ATXN1: variants seen among roughly 807,000 people sequenced by gnomAD.
The protein encoded by ATXN1 is ataxin 1, also known as ataxin-1.
In ATXN1, 8 loss-of-function variants were observed where a neutral mutation model predicts 56.4. The ratio of observed to expected loss-of-function variants is 0.14; its 90% CI spans 0.08 to 0.26. ATXN1 has a LOEUF of 0.26. ATXN1 is among the 10% of genes least tolerant of loss of function. The pLI is 1.00. For synonymous variants in ATXN1, 514 were observed against 494.6 expected, an observed-to-expected ratio of 1.04 and a Z score of -0.52; for missense variants, 987 against 1,106.5, an observed-to-expected ratio of 0.89 and a Z score of 1.53.
rs1273751343 is a variant in ATXN1 at position 16,300,970 on chromosome 6, A to G, written c.*5359T>C. ...CAAAAATAACAATAAGCATAGGTAT[A>G]GTTTAAGAGCCTTTTACGTAGTAAT... is the stretch of plus-strand genomic sequence containing the variant. On this transcript the variant is annotated 3_prime_UTR_variant, in exon 8 of 8. Coordinates refer to ENST00000436367, the MANE Select transcript of ATXN1 (RefSeq NM_001128164.2). 1 of 152,678 alleles carries G rather than the reference A, an allele frequency of 6.5e-6. No individual in the cohort carries two copies. Among genetic ancestry groups the G allele is most frequent in the Non-Finnish European group, 1.5e-5 (1 of 68,042 alleles). The allele number at this position is 152,678 out of a possible 1,614,324, so 9.5% of individuals were successfully genotyped here. A position where few individuals can be genotyped will look rare whatever the true frequency, so the allele number is the denominator to read the frequency against.
chr6:16,344,538 G>T (rs113145342), intron 6 of ATXN1, among the ~76,000 whole-genome samples: 1 of 152,280 alleles, frequency 6.6e-6, no homozygotes, highest in East Asian at 1.9e-4. Context: ...TCTTTTTCTC[G>T]TGCTGGATGC....
At chr6:16,539,141 G>A (rs1423926085) in intron 4 of ATXN1, among the ~76,000 whole-genome samples, 2 of 152,210 alleles carry the variant, frequency 1.3e-5, no homozygotes, top group Non-Finnish European at 2.9e-5. Flanking sequence ...GTAGGTTTTA[G>A]AAACTCTTAA....
At chr6:16,616,572 A>ATATAATATATTT (rs1197144257) in intron 3 of ATXN1, among the ~76,000 whole-genome samples, 1 of 145,422 alleles carries the variant, frequency 6.9e-6, no homozygotes, top group Non-Finnish European at 1.5e-5. Flanking sequence ...TATATATAGT[A>ATATAATATATTT]TATAATATAT....
intron 6 of ATXN1, among the ~76,000 whole-genome samples, chr6:16,447,586 G>A (rs1759661453): frequency 6.6e-6 from 1 of 152,086 alleles, no homozygotes; most frequent in Non-Finnish European, 1.5e-5. Flanking sequence ...TGAACTTCTG[G>A]CGTCAAGTGA....
intron 4 of ATXN1, among the ~76,000 whole-genome samples, chr6:16,575,187 T>C (rs998535736): frequency 6.6e-6 from 1 of 152,120 alleles, no homozygotes; most frequent in African/African-American, 2.4e-5. Flanking sequence ...TACTAAATGT[T>C]TGGGGTAGGG....
chr6:16,698,919 C>T (rs12333133), intron 2 of ATXN1, among the ~76,000 whole-genome samples: 1 of 152,168 alleles, frequency 6.6e-6, no homozygotes, highest in African/African-American at 2.4e-5. Context: ...TTTAATAATA[C>T]CTGCTTTTTC....
At chr6:16,607,826 A>G (rs1394980798) in intron 3 of ATXN1, among the ~76,000 whole-genome samples, 2 of 152,206 alleles carry the variant, frequency 1.3e-5, no homozygotes, top group Non-Finnish European at 2.9e-5. Context: ...GCAGGTCACA[A>G]CATATCTTTT....
At chr6:16,582,025 G>A (rs921024795) in intron 4 of ATXN1, among the ~76,000 whole-genome samples, 2 of 152,196 alleles carry the variant, frequency 1.3e-5, no homozygotes, top group African/African-American at 2.4e-5. Flanking sequence ...CCTAGCAACT[G>A]TGCATTCGAG....
chr6:16,497,023 G>A (rs553596309), intron 5 of ATXN1, among the ~76,000 whole-genome samples: 3 of 152,068 alleles, frequency 2.0e-5, no homozygotes, highest in East Asian at 1.9e-4. Flanking sequence ...TTGTTTTGTC[G>A]AATAAGCTCT....
At chr6:16,375,199 C>G (rs1055463089) in intron 6 of ATXN1, among the ~76,000 whole-genome samples, 23 of 152,344 alleles carry the variant, frequency 1.5e-4, no homozygotes, top group African/African-American at 5.3e-4. Context: ...AAAGGAGTCA[C>G]AAAAGCTCTG....
intron 6 of ATXN1, among the ~76,000 whole-genome samples, chr6:16,420,860 GTATTT>G (rs1334796686): frequency 1.3e-5 from 2 of 152,128 alleles, no homozygotes; most frequent in African/African-American, 4.8e-5. Context: ...TCTCTCGTGT[GTATTT>G]TAATTAAAGA....
chr6:16,550,535 A>G (rs974192121), intron 4 of ATXN1, among the ~76,000 whole-genome samples: 2 of 152,252 alleles, frequency 1.3e-5, no homozygotes, highest in African/African-American at 4.8e-5. Context: ...GCTCTTCTGT[A>G]GTTTTAAAAG....
chr6:16,524,676 T>C (rs1324464002), intron 4 of ATXN1, among the ~76,000 whole-genome samples: 4 of 152,206 alleles, frequency 2.6e-5, no homozygotes, highest in Non-Finnish European at 5.9e-5. Context: ...CAAAAAGGCA[T>C]TATCACCATT....
chr6:16,437,430 A>T (rs1235973690), intron 6 of ATXN1, among the ~76,000 whole-genome samples: 1 of 152,216 alleles, frequency 6.6e-6, no homozygotes, highest in African/African-American at 2.4e-5. Context: ...TGCACAGCAG[A>T]TCTCAGCGCT....
At chr6:16,595,348 G>A (rs920143145) in intron 3 of ATXN1, among the ~76,000 whole-genome samples, 2 of 152,218 alleles carry the variant, frequency 1.3e-5, no homozygotes, top group African/African-American at 4.8e-5. Flanking sequence ...GGCTCAAAGG[G>A]TGAGCTACGA....
intron 6 of ATXN1, among the ~76,000 whole-genome samples, chr6:16,453,842 T>G (rs1367572154): frequency 6.6e-6 from 1 of 152,084 alleles, no homozygotes; most frequent in African/African-American, 2.4e-5. Context: ...TCAAGTATGC[T>G]TCAATAATTA....
chr6:16,697,778 T>C lies in ATXN1; in HGVS notation c.-614-39877A>G, dbSNP rs554731971. On this transcript the variant is annotated intron_variant, in intron 2 of 7. Coordinates refer to ENST00000436367, the MANE Select transcript of ATXN1 (RefSeq NM_001128164.2). ...TAAACTCTTCTAACAAAGCCAAACA[T>C]GGATTAAACAGCGTTACATAAGTCT... Among the ~76,000 whole-genome samples the C allele has an allele frequency of 3.9e-5, 6 of 152,286 alleles. No individual in the cohort carries two copies. The East Asian group carries it at 1.2e-3, about 29-fold the overall frequency.
intron 4 of ATXN1, among the ~76,000 whole-genome samples, chr6:16,546,597 C>A (rs745631208): frequency 2.0e-5 from 3 of 152,134 alleles, no homozygotes; most frequent in African/African-American, 4.8e-5. Context: ...TTTTTCTGAG[C>A]CTTAATTGTC....
intron 6 of ATXN1, among the ~76,000 whole-genome samples, chr6:16,457,084 AG>A (rs1273433054): frequency 6.6e-6 from 1 of 152,190 alleles, no homozygotes; most frequent in African/African-American, 2.4e-5. Context: ...TTATCTTTAT[AG>A]TACAAGGGTA....
Sources: gnomAD v4.1 joint callset for allele counts (sites outside exome capture counted in the v4.1 genomes callset) on GRCh38, gnomAD v4.1.1 for gene constraint, MANE v1.5 for transcripts, NCBI Gene and HGNC (gene_info 2026-07-23, HGNC 2026-07-21) for gene names.